VSNL1: variants seen among roughly 807,000 people sequenced by gnomAD.
VSNL1 encodes visinin-like protein 1.
In VSNL1, 6 loss-of-function variants were observed where a neutral mutation model predicts 20.4. The ratio of observed to expected loss-of-function variants is 0.29; its 90% CI spans 0.16 to 0.58. The LOEUF (loss-of-function observed/expected upper bound fraction) is 0.58, where lower values mean the gene tolerates loss of function less well. Among genes scored for constraint, VSNL1 ranks in the 20% least tolerant of loss-of-function variants. The pLI, the probability that VSNL1 is intolerant of heterozygous loss-of-function variation, is 0.90. For synonymous variants in VSNL1, 93 were observed against 86.4 expected (o/e 1.08, Z -0.42); for missense variants, 100 against 234.5 (o/e 0.43, Z 3.75).
chr2:17,638,582 C>A (rs139922579), intron 2 of VSNL1, among the ~76,000 whole-genome samples: 1 of 152,198 alleles, frequency 6.6e-6, no homozygotes, highest in Non-Finnish European at 1.5e-5. Context: ...CTCCTTCCCA[C>A]GCCCTACAGG....
At chr2:17,540,367 C>CGTGGCGAGTCCGG (rs1217424376), upstream of VSNL1, among the ~76,000 whole-genome samples, 4 of 152,252 alleles carry the variant, frequency 2.6e-5, no homozygotes, top group Non-Finnish European at 5.9e-5. Flanking sequence ...AACCACTGGG[C>CGTGGCGAGTCCGG]GTGGCGAGTC....
At chr2:17,551,467 G>A (rs926406867) in intron 1 of VSNL1, among the ~76,000 whole-genome samples, 1 of 152,232 alleles carries the variant, frequency 6.6e-6, no homozygotes, top group South Asian at 2.1e-4. Context: ...GAATGGGGAA[G>A]GGAGGCATGA....
chr2:17,609,590 A>G (rs1665035287), intron 2 of VSNL1, among the ~76,000 whole-genome samples: 1 of 152,166 alleles, frequency 6.6e-6, no homozygotes, highest in Non-Finnish European at 1.5e-5. Context: ...ATGGGATTTG[A>G]GGCCCTAACA....
intron 2 of VSNL1, among the ~76,000 whole-genome samples, chr2:17,611,810 C>T (rs1367801029): frequency 6.6e-6 from 1 of 152,196 alleles, no homozygotes; most frequent in African/African-American, 2.4e-5. Context: ...CCCCAAATGT[C>T]TCTCATCAAT....
intron 1 of VSNL1, among the ~76,000 whole-genome samples, chr2:17,591,305 T>G (rs919070783): frequency 1.3e-5 from 2 of 152,230 alleles, no homozygotes; most frequent in Non-Finnish European, 2.9e-5. Flanking sequence ...CCTGCTGTGA[T>G]GTTGGCCACA....
At chr2:17,586,043 A>G (rs1664466045) in intron 1 of VSNL1, among the ~76,000 whole-genome samples, 1 of 152,122 alleles carries the variant, frequency 6.6e-6, no homozygotes, top group South Asian at 2.1e-4. Context: ...TCCTGACCTC[A>G]GGTGATCTGC....
chr2:17,644,037 T>C (rs1186813639), intron 2 of VSNL1, among the ~76,000 whole-genome samples: 1 of 151,444 alleles, frequency 6.6e-6, no homozygotes, highest in East Asian at 1.9e-4. Context: ...GGAAGGAAAC[T>C]TGACCAAACA....
intron 1 of VSNL1, among the ~76,000 whole-genome samples, chr2:17,568,685 T>C (rs895578061): frequency 9.9e-5 from 15 of 152,212 alleles, no homozygotes; most frequent in Non-Finnish European, 1.8e-4. Flanking sequence ...TTACTCATCG[T>C]TGCTTCTTAC....
At chr2:17,636,364 A>G (rs1294222618) in intron 2 of VSNL1, among the ~76,000 whole-genome samples, 3 of 152,164 alleles carry the variant, frequency 2.0e-5, no homozygotes, top group Non-Finnish European at 4.4e-5. Context: ...GTTTTCCAGG[A>G]TAACACACAA....
rs550669401 is a variant in VSNL1 at position 17,602,862 on chromosome 2, A to G, written c.162+10626A>G. Among the ~76,000 whole-genome samples the G allele has an allele frequency of 1.1e-4, 16 of 152,358 alleles. No homozygotes were observed. In the South Asian group the frequency reaches 1.7e-3, roughly 16 times the overall value. On this transcript the variant is annotated intron_variant, in intron 2 of 3. Coordinates refer to ENST00000295156, the MANE Select transcript of VSNL1 (RefSeq NM_003385.5). ...TAGTTGTCGTCCACCTTCAACAAAC[A>G]ACTATAGAATGGCGTCTAAAAGGAG...
At chr2:17,553,392 G>A (rs956085185) in intron 1 of VSNL1, among the ~76,000 whole-genome samples, 1 of 151,948 alleles carries the variant, frequency 6.6e-6, no homozygotes, top group African/African-American at 2.4e-5. Flanking sequence ...ACTTCATACC[G>A]ATTAAAACTA....
Position 17,649,364 on chromosome 2 carries a change from A to G in VSNL1, c.163-46A>G, listed in dbSNP as rs769880514. The G allele has an allele frequency of 6.3e-7, 1 of 1,594,852 alleles. No individual in the cohort carries two copies. ...ATTAGGAACCTACCTCGTCGCCCCG[A>G]TTCCATCCCCTCCCGACACCTGACT... On this transcript the variant is annotated intron_variant, in intron 2 of 3. Coordinates refer to ENST00000295156, the MANE Select transcript of VSNL1 (RefSeq NM_003385.5). The surrounding 1 kb of genome is among the most constrained non-coding windows in gnomAD (Gnocchi z 6.4).
chr2:17,585,760 C>T (rs1435403214), intron 1 of VSNL1, among the ~76,000 whole-genome samples: 1 of 151,514 alleles, frequency 6.6e-6, no homozygotes, highest in African/African-American at 2.4e-5. Flanking sequence ...ACAGGCAAAT[C>T]TTTTCAAGCT....
intron 1 of VSNL1, chr2:17,546,107 T>C (rs1482963016): frequency 6.6e-6 from 1 of 152,064 alleles, no homozygotes. Flanking sequence ...AAGCTCAATG[T>C]ACCTAATACA....
At chr2:17,595,865 G>T (rs113917698) in intron 2 of VSNL1, among the ~76,000 whole-genome samples, 6 of 152,230 alleles carry the variant, frequency 3.9e-5, no homozygotes, top group African/African-American at 1.4e-4. Flanking sequence ...TTTAAAATTT[G>T]TATTTACTTT....
chr2:17,577,962 T>G (rs537656276), intron 1 of VSNL1, among the ~76,000 whole-genome samples: 3 of 152,290 alleles, frequency 2.0e-5, no homozygotes, highest in South Asian at 4.1e-4. Context: ...TCACCTCAAC[T>G]GTAATATGAC....
At chr2:17,620,718 G>C (rs192771015) in intron 2 of VSNL1, among the ~76,000 whole-genome samples, 3 of 152,232 alleles carry the variant, frequency 2.0e-5, no homozygotes, top group African/African-American at 7.2e-5. Context: ...ATCGAGTGAC[G>C]CTACAAATTG....
At chr2:17,580,920 G>A (rs1356125245) in intron 1 of VSNL1, among the ~76,000 whole-genome samples, 1 of 152,140 alleles carries the variant, frequency 6.6e-6, no homozygotes, top group Non-Finnish European at 1.5e-5. Flanking sequence ...AGATATTAAG[G>A]AGAGAGTGAA....
Position 17,649,403 on chromosome 2 carries a change from T to G in VSNL1, c.163-7T>G. On this transcript the variant is annotated splice_polypyrimidine_tract_variant and splice_region_variant and intron_variant, in intron 2 of 3. Transcript: ENST00000295156. This position sits in a 1 kb window ranked among gnomAD's most constrained non-coding sequence, Gnocchi z 6.4. ...CGACACCTGACTGCGCGTGTTCTCC[T>G]TTGCAGTTCTTTCCTTATGGAGACG... 6.2e-7 allele frequency: 1 copy of G among 1,614,082 alleles called. No homozygotes were observed. The highest frequency in any genetic ancestry group is 8.5e-7 in the Non-Finnish European group (1 of 1,179,954).
Sources: gnomAD v4.1 joint callset for allele counts (sites outside exome capture counted in the v4.1 genomes callset) on GRCh38, gnomAD v4.1.1 for gene constraint, Gnocchi (gnomAD v3.1) non-coding constraint, MANE v1.5 for transcripts, NCBI Gene and HGNC (gene_info 2026-07-23, HGNC 2026-07-21) for gene names.